The following CHRNA6 variants were observed in gnomAD, a reference collection of about 807,000 sequenced individuals.
CHRNA6 encodes the protein neuronal acetylcholine receptor subunit alpha-6.
CHRNA6 carries 31 observed loss-of-function variants against 40.9 expected under a neutral mutation model. The observed-to-expected ratio is 0.76, with a 90% CI of 0.57 to 1.02. The LOEUF is 1.02. Among genes scored for constraint, CHRNA6 ranks in the 50% least tolerant of loss-of-function variants. CHRNA6 has a pLI of 0.00. For missense variants in CHRNA6, 546 were observed against 596.6 expected, an observed-to-expected ratio of 0.92 and a Z score of 0.88; for synonymous variants, 222 against 221.3, an observed-to-expected ratio of 1.00 and a Z score of -0.03.
chr8:42,757,862 T>C (rs1293048036), intron 3 of CHRNA6, among the ~76,000 whole-genome samples: 1 of 149,788 alleles, frequency 6.7e-6, no homozygotes, highest in East Asian at 2.0e-4. Flanking sequence ...TGAAACCCCG[T>C]CTCTACTAAA....
At chr8:42,759,813 T>C (rs1316681793) in intron 2 of CHRNA6, among the ~76,000 whole-genome samples, 1 of 151,508 alleles carries the variant, frequency 6.6e-6, no homozygotes, top group Admixed American at 6.6e-5. Flanking sequence ...GGCAGGAGAA[T>C]TGCTTGAACC....
chr8:42,753,888 T>C (rs1235416133), intron 5 of CHRNA6, among the ~76,000 whole-genome samples: 3 of 152,048 alleles, frequency 2.0e-5, no homozygotes, highest in Admixed American at 2.0e-4. Context: ...AAGCAACTGC[T>C]CAGAGAGCTA....
rs201321019 is a variant in CHRNA6, at chr8:42,752,648, A to G, written c.*531T>C. ...TTTTTTTTTTTTTTTTAAAACTAAC[A>G]ATCAGTGTATCAAATAATGCTGAGG... On this transcript the variant is annotated 3_prime_UTR_variant, in exon 6 of 6. Coordinates refer to ENST00000276410, the MANE Select transcript of CHRNA6 (RefSeq NM_004198.3). 6.7e-6 allele frequency: 1 copy of G among 150,146 alleles called. No individual in the cohort carries two copies. Among genetic ancestry groups the G allele is most frequent in the Non-Finnish European group, 1.5e-5 (1 of 67,656 alleles). The allele number at this position is 150,146 out of a possible 1,614,324, so 9.3% of individuals were successfully genotyped here.
In CHRNA6 at chr8:42,757,027, T is replaced by A. The variant is rs1816815103; in HGVS notation, c.275A>T (p.Asp92Val). ...CATTGGATCCCAGCGCAATTTATAATCATTCCAGATCTAAAATAAATAGAA... is the reference window on the plus strand; with the variant it reads ...CATTGGATCCCAGCGCAATTTATAAACATTCCAGATCTAAAATAAATAGAA... The part of the protein sequence containing the change: ...TNLWLRHIWN[D>V]YKLRWDPMEY... Residue 92 changes from aspartate (D) to valine (V), a missense_variant, in exon 4 of 6, where the codon GAT (aspartate) becomes GTT (valine). Coordinates refer to ENST00000276410, the MANE Select transcript of CHRNA6 (RefSeq NM_004198.3). 1 of 1,605,950 alleles carries A rather than the reference T, an allele frequency of 6.2e-7. No homozygotes were observed. Among genetic ancestry groups the A allele is most frequent in the Non-Finnish European group, 8.5e-7 (1 of 1,172,868 alleles).
At position 42,753,168 on chromosome 8, in the gene CHRNA6, G is replaced by T; in HGVS notation, c.*11C>A. 3.1e-6 allele frequency: 5 copies of T among 1,588,586 alleles called. No individual in the cohort carries two copies. Among genetic ancestry groups the T allele is most frequent in the Non-Finnish European group, 3.4e-6 (4 of 1,173,628 alleles). ...TGTCTGTAAATTTCTGAACATAAAA[G>T]AAAATACATTTTAAGATTTTCCTGT... On this transcript the variant is annotated 3_prime_UTR_variant, in exon 6 of 6. Coordinates refer to ENST00000276410, the MANE Select transcript of CHRNA6 (RefSeq NM_004198.3).
chr8:42,765,002 C>T (rs1043000901), intron 2 of CHRNA6, 63 bp downstream of exon 2: 138 of 1,556,264 alleles, frequency 8.9e-5, no homozygotes, highest in Non-Finnish European at 1.2e-4. Context: ...TCTAAAATTC[C>T]TTCATTTACC....
Position 42,759,095 on chromosome 8 carries a change from T to C in CHRNA6, c.238A>G (p.Met80Val), listed in dbSNP as rs199556613. Residue 80 changes from methionine (M) to valine (V), a missense_variant, in exon 3 of 6, where the codon ATG (methionine) becomes GTG (valine). Coordinates refer to ENST00000276410, the MANE Select transcript of CHRNA6 (RefSeq NM_004198.3). ...LANVDEVNQI[M>V]ETNLWLRHIW... is the part of the protein sequence containing the mutation. ...TGACGCAGCCACAAATTGGTTTCCA[T>C]GATCTGGTTTACTTCATCCTGGGAA... 5.6e-5 allele frequency: 91 copies of C among 1,613,358 alleles called. No individual in the cohort carries two copies. The highest frequency in any genetic ancestry group is 2.2e-5 in the East Asian group (1 of 44,894).
rs758246174 is a variant in CHRNA6 at position 42,756,213 on chromosome 8, T to C, written c.986A>G (p.Tyr329Cys). The C allele has an allele frequency of 6.2e-7, 1 of 1,614,198 alleles. No individual in the cohort carries two copies. Among genetic ancestry groups the C allele is most frequent in the East Asian group, 2.2e-5 (1 of 44,890 alleles). ...VVTVFVLNIHYRTPTTHTMPR... is the reference protein window; with the variant it reads ...VVTVFVLNIHCRTPTTHTMPR... Reference sequence around the variant, plus strand: ...CATTGTGTGCGTGGTTGGGGTGCGGTAGTGTATGTTCAACACAAACACAGT... The same window carrying C: ...CATTGTGTGCGTGGTTGGGGTGCGGCAGTGTATGTTCAACACAAACACAGT... The change falls in exon 5 of 6, where the codon TAC (tyrosine) becomes TGC (cysteine). Residue 329 changes from tyrosine to cysteine, a missense_variant. Tyr to Cys is a radical substitution (Grantham distance 194). Coordinates refer to ENST00000276410, the MANE Select transcript of CHRNA6 (RefSeq NM_004198.3).
At chr8:42,766,494 A>AAAAGAAAGAAAGAAAGAAAG (rs537067864) in intron 1 of CHRNA6, among the ~76,000 whole-genome samples, 3 of 144,966 alleles carry the variant, frequency 2.1e-5, no homozygotes, top group Non-Finnish European at 3.0e-5. Context: ...TCCGTCTCAA[A>AAAAGAAAGAAAGAAAGAAAG]AAAGAAAGAA....
In CHRNA6 at chr8:42,756,662, C is replaced by T; in HGVS notation, c.537G>A (p.Trp179Ter). 6.2e-7 allele frequency: 1 copy of T among 1,614,130 alleles called. No homozygotes were observed. The highest frequency in any genetic ancestry group is 1.1e-5 in the South Asian group (1 of 91,086). ...GATCAATTTCAGCTTTGTCATACGTCCAGGAACCAAATTTTAGGGAACAGT... is the reference window on the plus strand; with the variant it reads ...GATCAATTTCAGCTTTGTCATACGTTCAGGAACCAAATTTTAGGGAACAGT... ...HQNCSLKFGS[W>*]TYDKAEIDLL... The change falls in exon 5 of 6, where the codon TGG becomes TGA. Residue 179 changes from tryptophan (W) to a stop codon, truncating the protein, a stop_gained. Coordinates refer to ENST00000276410, the MANE Select transcript of CHRNA6 (RefSeq NM_004198.3). LOFTEE classifies it high-confidence loss of function.
chr8:42,767,169 G>A (rs182018974), intron 1 of CHRNA6, among the ~76,000 whole-genome samples: 2,110 of 152,158 alleles, frequency 0.014, 102 homozygotes, highest in East Asian at 0.11. Context: ...GGGTTTCACC[G>A]TGTTAGCCAG....
Position 42,760,461 on chromosome 8 carries a change from TAC to T in CHRNA6, c.220-1350_220-1349del, listed in dbSNP as rs200024739. ...ACTCGTACGTGTGCACTCACACTCA[TAC>T]ACACACACTGGTGCATACTCACTCA... On this transcript the variant is annotated intron_variant, in intron 2 of 5. Transcript: ENST00000276410. Among the ~76,000 whole-genome samples the T allele has an allele frequency of 7.9e-4, 109 of 138,462 alleles. 1 individual carries two copies. The highest frequency in any genetic ancestry group is 2.3e-3 in the African/African-American group (92 of 40,760). 90.8% of individuals were successfully genotyped at this position (138,462 alleles called of 152,430 possible).
intron 4 of CHRNA6, 44 bp downstream of exon 4, chr8:42,756,884 A>G: frequency 6.2e-7 from 1 of 1,610,964 alleles, no homozygotes; most frequent in Non-Finnish European, 8.5e-7. Flanking sequence ...AGAATACACC[A>G]ACAGCAGCTT....
intron 1 of CHRNA6, among the ~76,000 whole-genome samples, chr8:42,765,466 G>A (rs767652834): frequency 1.3e-5 from 2 of 152,154 alleles, no homozygotes; most frequent in Non-Finnish European, 2.9e-5. Flanking sequence ...AAATGATGTC[G>A]GTCAGAGCAT....
At chr8:42,762,444 T>C (rs1053917355) in intron 2 of CHRNA6, among the ~76,000 whole-genome samples, 2 of 151,904 alleles carry the variant, frequency 1.3e-5, no homozygotes, top group African/African-American at 2.4e-5. Context: ...AGGTCAGGAG[T>C]TCGAGACCAG....
rs536883402 is a variant in CHRNA6 at position 42,763,601 on chromosome 8, G to C, written c.219+1464C>G. ...TCAGAGGAAACTCAGTTCAGCTCTTGGTTCACAACAACCCAGTCCACAGCA... is the reference window on the plus strand; with the variant it reads ...TCAGAGGAAACTCAGTTCAGCTCTTCGTTCACAACAACCCAGTCCACAGCA... On this transcript the variant is annotated intron_variant, in intron 2 of 5. Transcript: ENST00000276410. Among the ~76,000 whole-genome samples the C allele has an allele frequency of 3.3e-5, 5 of 152,250 alleles. No individual in the cohort carries two copies. The East Asian group carries it at 7.7e-4, about 24-fold the overall frequency.
rs1371088716 is a variant in CHRNA6, at chr8:42,756,538, T to A, written c.661A>T (p.Asn221Tyr). The A allele has an allele frequency of 6.2e-7, 1 of 1,614,082 alleles. No individual in the cohort carries two copies. Among genetic ancestry groups the A allele is most frequent in the Non-Finnish European group, 8.5e-7 (1 of 1,179,996 alleles). Residue 221 changes from asparagine (N) to tyrosine (Y), a missense_variant, in exon 5 of 6, where the codon AAC (asparagine) becomes TAC (tyrosine). Asn to Tyr is a moderately radical substitution (Grantham distance 143, BLOSUM62 -2). This residue lies in a region of CHRNA6 where 476 missense variants were observed against 494.5 expected (regional missense o/e 0.96). Coordinates refer to ENST00000276410, the MANE Select transcript of CHRNA6 (RefSeq NM_004198.3). ...ASGYKHDIKY[N>Y]CCEEIYTDIT... ...TCTGTGTATATCTCTTCACAACAGT[T>A]GTATTTGATGTCATGTTTGTAGCCA...
At position 42,756,538 on chromosome 8, in the gene CHRNA6, T is replaced by C. The variant is rs1371088716; in HGVS notation, c.661A>G (p.Asn221Asp). The change falls in exon 5 of 6, where the codon AAC becomes GAC. Residue 221 changes from asparagine to aspartate, a missense_variant. Transcript: ENST00000276410. ...ASGYKHDIKYNCCEEIYTDIT... is the reference protein window; with the variant it reads ...ASGYKHDIKYDCCEEIYTDIT... The stretch of plus-strand genomic sequence containing the variant: ...TCTGTGTATATCTCTTCACAACAGT[T>C]GTATTTGATGTCATGTTTGTAGCCA... The C allele has an allele frequency of 7.4e-6, 12 of 1,613,964 alleles. No individual in the cohort carries two copies. Among genetic ancestry groups the C allele is most frequent in the Non-Finnish European group, 1.0e-5 (12 of 1,180,004 alleles).
Position 42,756,694 on chromosome 8 carries a change from G to T in CHRNA6, c.505C>A (p.His169Asn). The T allele has an allele frequency of 1.2e-6, 2 of 1,614,128 alleles. No homozygotes were observed. The highest frequency in any genetic ancestry group is 1.7e-6 in the Non-Finnish European group (2 of 1,180,006). ...CCAAATTTTAGGGAACAGTTTTGATGATCAAAAGGGAAAAAGGTGATATCC... is the reference window on the plus strand; with the variant it reads ...CCAAATTTTAGGGAACAGTTTTGATTATCAAAAGGGAAAAAGGTGATATCC... Reference protein sequence around the residue: ...PMDITFFPFDHQNCSLKFGSW... With the variant: ...PMDITFFPFDNQNCSLKFGSW... Residue 169 changes from histidine (H) to asparagine (N), a missense_variant, in exon 5 of 6, where the codon CAT becomes AAT. His to Asn is a moderately conservative substitution (Grantham distance 68). This residue lies in a region of CHRNA6 where 476 missense variants were observed against 494.5 expected (regional missense o/e 0.96). Coordinates refer to ENST00000276410, the MANE Select transcript of CHRNA6 (RefSeq NM_004198.3).
Sources: gnomAD v4.1 joint callset for allele counts (sites outside exome capture counted in the v4.1 genomes callset) on GRCh38, gnomAD v4.1.1 for gene constraint, gnomAD v4.1.1 regional missense constraint, MANE v1.5 for transcripts, NCBI Gene and HGNC (gene_info 2026-07-23, HGNC 2026-07-21) for gene names.